Variants in ALG14 observed in about 807,000 individuals in gnomAD.
ALG14 encodes ALG14 UDP-N-acetylglucosaminyltransferase subunit.
A neutral mutation model predicts 22.8 loss-of-function variants in ALG14; 17 were observed. The observed-to-expected ratio is 0.75, with a 90% CI of 0.51 to 1.12. ALG14 has a LOEUF of 1.12. Ranked by LOEUF, ALG14 falls within the 50% of genes most tolerant of loss-of-function variation. The pLI is 0.00. For synonymous variants in ALG14, 89 were observed against 103.7 expected, an observed-to-expected ratio of 0.86 and a Z score of 0.86; for missense variants, 288 against 271.8, an observed-to-expected ratio of 1.06 and a Z score of -0.42.
chr1:95,046,256 A>T (rs1414552968), intron 2 of ALG14, among the ~76,000 whole-genome samples: 1 of 152,196 alleles, frequency 6.6e-6, no homozygotes, highest in East Asian at 1.9e-4. Context: ...AATCAGTAGC[A>T]GTCTGTGGCC....
chr1:95,042,586 C>T (rs1674415243), intron 2 of ALG14, among the ~76,000 whole-genome samples: 1 of 152,156 alleles, frequency 6.6e-6, no homozygotes. Context: ...TTTTGGGTGC[C>T]CCTTGTTTTG....
At chr1:95,065,397 A>G (rs1675323504) in intron 1 of ALG14, among the ~76,000 whole-genome samples, 1 of 152,204 alleles carries the variant, frequency 6.6e-6, no homozygotes, top group Admixed American at 6.5e-5. Context: ...GCAAATGGTT[A>G]TGAAAAATCA....
At chr1:95,015,179 G>A (rs1397028517) in intron 3 of ALG14, among the ~76,000 whole-genome samples, 3 of 152,146 alleles carry the variant, frequency 2.0e-5, no homozygotes, top group Non-Finnish European at 2.9e-5. Context: ...GGGATCAGAG[G>A]GTGTTAGCTG....
chr1:94,986,765 C>G (rs554846165), intron 3 of ALG14, among the ~76,000 whole-genome samples: 1 of 150,154 alleles, frequency 6.7e-6, no homozygotes, highest in East Asian at 1.9e-4. Flanking sequence ...GTCACTGCGC[C>G]TGGCCCTTTT....
In ALG14 at chr1:95,001,368, A is replaced by T. The variant is rs1356168004; in HGVS notation, c.421-18062T>A. Reference sequence around the variant, plus strand: ...ACTGGTGTGCTGGATAGGGAAAAACAGAGGCAGGCCTGCTGTCTAATTTAG... The same window carrying T: ...ACTGGTGTGCTGGATAGGGAAAAACTGAGGCAGGCCTGCTGTCTAATTTAG... On this transcript the variant is annotated intron_variant, in intron 3 of 3. Transcript: ENST00000370205. Among the ~76,000 whole-genome samples the T allele has an allele frequency of 2.0e-5, 3 of 152,256 alleles. No homozygotes were observed. The East Asian group carries it at 5.8e-4, about 29-fold the overall frequency.
At chr1:95,046,936 C>T (rs1674576467) in intron 2 of ALG14, among the ~76,000 whole-genome samples, 3 of 151,950 alleles carry the variant, frequency 2.0e-5, no homozygotes, top group Admixed American at 2.0e-4. Context: ...CACTGCACTC[C>T]AGCCTGGGCG....
chr1:94,987,584 G>T (rs898229279), intron 3 of ALG14, among the ~76,000 whole-genome samples: 4 of 152,218 alleles, frequency 2.6e-5, no homozygotes, highest in Non-Finnish European at 5.9e-5. Context: ...TTGTTGTTCT[G>T]TAGATTTGGG....
rs750095172 is a variant in ALG14, at chr1:94,983,087, G to A, written c.640C>T (p.Arg214Ter). 17 of 1,613,786 alleles carry A rather than the reference G, an allele frequency of 1.1e-5. No homozygotes were observed. The highest frequency in any genetic ancestry group is 5.3e-5 in the African/African-American group (4 of 74,880). ...TCAGTTGCCATTTGTCAAACAATTC[G>A]CCCAAGGTACACCGATTTGGGATAC... ...EKYPKSVYLG[R>*]IV Residue 214 changes from arginine to a stop codon, truncating the protein, a stop_gained, in exon 4 of 4, where the codon CGA (arginine) becomes TGA (stop). Transcript: ENST00000370205. LOFTEE classifies it high-confidence loss of function.
chr1:95,063,305 C>T (rs535979121), intron 2 of ALG14, among the ~76,000 whole-genome samples: 1 of 152,296 alleles, frequency 6.6e-6, no homozygotes, highest in South Asian at 2.1e-4. Flanking sequence ...AATTAGATCA[C>T]ATTTTTCAAT....
chr1:95,050,297 G>A (rs540065950), intron 2 of ALG14, among the ~76,000 whole-genome samples: 1 of 152,310 alleles, frequency 6.6e-6, no homozygotes, highest in African/African-American at 2.4e-5. Flanking sequence ...AACCACAGGA[G>A]TGTTTTCTAT....
intron 2 of ALG14, among the ~76,000 whole-genome samples, chr1:95,050,782 A>G (rs1027116696): frequency 2.0e-5 from 3 of 151,770 alleles, no homozygotes; most frequent in Non-Finnish European, 4.4e-5. Context: ...CAGCTCCCCT[A>G]TATCTGAAAT....
intron 3 of ALG14, among the ~76,000 whole-genome samples, chr1:95,011,155 C>A (rs767365427): frequency 2.4e-4 from 37 of 152,152 alleles, no homozygotes; most frequent in Admixed American, 1.7e-3. Flanking sequence ...TTCCAAAATT[C>A]ATCCTTGAAA....
At chr1:95,003,975 C>T (rs1195348089) in intron 3 of ALG14, among the ~76,000 whole-genome samples, 3 of 152,102 alleles carry the variant, frequency 2.0e-5, no homozygotes, top group Admixed American at 1.3e-4. Flanking sequence ...ATTATGCTTA[C>T]TATGAGGTGT....
chr1:95,053,430 C>T (rs1674820183), intron 2 of ALG14, among the ~76,000 whole-genome samples: 1 of 151,950 alleles, frequency 6.6e-6, no homozygotes, highest in Admixed American at 6.6e-5. Context: ...AAAAATAATT[C>T]ACTACGTAGA....
At chr1:95,030,373 A>G (rs1267894128) in intron 2 of ALG14, among the ~76,000 whole-genome samples, 1 of 152,054 alleles carries the variant, frequency 6.6e-6, no homozygotes, top group Non-Finnish European at 1.5e-5. Context: ...GTGGACCTAT[A>G]CTACAAACTA....
chr1:94,997,064 CAGAA>C (rs1293881066), intron 3 of ALG14, among the ~76,000 whole-genome samples: 3 of 152,202 alleles, frequency 2.0e-5, no homozygotes, highest in African/African-American at 7.2e-5. Context: ...AGTGGAAAAA[CAGAA>C]AGACATTAAT....
At chr1:95,052,857 GAAAA>G (rs57458273) in intron 2 of ALG14, among the ~76,000 whole-genome samples, 2 of 119,490 alleles carry the variant, frequency 1.7e-5, no homozygotes, top group Non-Finnish European at 1.7e-5. Flanking sequence ...ACTGCATCTC[GAAAA>G]AAAAAAAAAA....
intron 3 of ALG14, among the ~76,000 whole-genome samples, chr1:95,011,430 CTT>C (rs1389887684): frequency 2.8e-5 from 4 of 144,966 alleles, no homozygotes; most frequent in Admixed American, 6.9e-5. Context: ...TTCTTTCTTT[CTT>C]TTTTTTTTTT....
intron 3 of ALG14, chr1:94,983,726 A>G (rs6698046): frequency 0.67 from 108,131 of 161,990 alleles, 38,478 homozygotes; most frequent in African/African-American, 0.92. Flanking sequence ...GGGAGAAAAT[A>G]TCTTTAATTG....
Sources: allele counts gnomAD v4.1 joint callset (sites outside exome capture counted in the v4.1 genomes callset), GRCh38; gene constraint gnomAD v4.1.1; transcripts MANE v1.5; gene names NCBI Gene and HGNC (gene_info 2026-07-23, HGNC 2026-07-21).